CCBE1: variants seen among roughly 807,000 people sequenced by gnomAD.
CCBE1 encodes the protein collagen and calcium binding EGF domains 1, also known as collagen and calcium-binding EGF domain-containing protein 1.
CCBE1 carries 37 observed loss-of-function variants against 50.0 expected under a neutral mutation model. The observed-to-expected ratio is 0.74, with a 90% CI of 0.57 to 0.97. The LOEUF (loss-of-function observed/expected upper bound fraction) is 0.97, where lower values mean the gene tolerates loss of function less well. Ranked by LOEUF, CCBE1 falls within the 50% of genes least tolerant of loss-of-function variation. The pLI, the probability that CCBE1 is intolerant of heterozygous loss-of-function variation, is 0.00. For synonymous variants in CCBE1, 234 were observed against 203.7 expected, an observed-to-expected ratio of 1.15 and a Z score of -1.27; for missense variants, 538 against 523.8, an observed-to-expected ratio of 1.03 and a Z score of -0.26.
chr18:59,691,357 A>T (rs1054859423), intron 2 of CCBE1, among the ~76,000 whole-genome samples: 2 of 152,130 alleles, frequency 1.3e-5, no homozygotes, highest in Admixed American at 6.5e-5. Context: ...CATTCTGCAC[A>T]AAACCACCTC....
intron 2 of CCBE1, among the ~76,000 whole-genome samples, chr18:59,579,907 G>A (rs1195432310): frequency 6.6e-6 from 1 of 151,872 alleles, no homozygotes; most frequent in Non-Finnish European, 1.5e-5. Flanking sequence ...CTGAGCACAT[G>A]AAAAAAAAGA....
intron 7 of CCBE1, among the ~76,000 whole-genome samples, chr18:59,441,090 A>G (rs2143624266): frequency 6.6e-6 from 1 of 152,372 alleles, no homozygotes; most frequent in South Asian, 2.1e-4. Context: ...AGGTTGACTT[A>G]GCTTCCCATG....
chr18:59,454,694 G>A (rs574876698), intron 6 of CCBE1, among the ~76,000 whole-genome samples, 157 bp downstream of exon 6: 1 of 152,292 alleles, frequency 6.6e-6, no homozygotes, highest in African/African-American at 2.4e-5. Context: ...TGGCTCTGAG[G>A]GTGGGCAAAA....
intron 2 of CCBE1, among the ~76,000 whole-genome samples, chr18:59,481,535 C>T (rs190824749): frequency 5.3e-5 from 8 of 152,284 alleles, no homozygotes; most frequent in African/African-American, 1.9e-4. Flanking sequence ...GTCATGGTCA[C>T]GCTGCTGAAA....
Position 59,607,729 on chromosome 18 carries a change from T to A in CCBE1, c.212+88900A>T, listed in dbSNP as rs141752207. Among the ~76,000 whole-genome samples, 725 of 152,292 alleles carry A rather than the reference T, an allele frequency of 4.8e-3. 8 individuals carry two copies. Among genetic ancestry groups the A allele is most frequent in the African/African-American group, 0.016 (682 of 41,562 alleles). On this transcript the variant is annotated intron_variant, in intron 2 of 10. Coordinates refer to ENST00000439986, the MANE Select transcript of CCBE1 (RefSeq NM_133459.4). ...GTTCAAATCGGAACCACTTCCTGTG[T>A]GACACTGATTATTTCTTCAAACCCC...
chr18:59,521,422 G>GT (rs1276931501), intron 2 of CCBE1, among the ~76,000 whole-genome samples: 7 of 152,054 alleles, frequency 4.6e-5, no homozygotes, highest in Non-Finnish European at 8.8e-5. Flanking sequence ...TTCTTTGTTT[G>GT]TTTTTTGTTT....
intron 7 of CCBE1, among the ~76,000 whole-genome samples, chr18:59,442,109 C>T (rs1386504634): frequency 1.3e-5 from 2 of 152,204 alleles, no homozygotes; most frequent in African/African-American, 4.8e-5. Flanking sequence ...TTGTCTCCAT[C>T]ACCACAGATC....
intron 2 of CCBE1, among the ~76,000 whole-genome samples, chr18:59,589,816 GAA>G (rs10715103): frequency 7.5e-6 from 1 of 133,106 alleles, no homozygotes; most frequent in East Asian, 2.2e-4. Flanking sequence ...AAAAAAGAAA[GAA>G]AAAAAAAATG....
chr18:59,542,352 G>C (rs1356189317), intron 2 of CCBE1, among the ~76,000 whole-genome samples: 2 of 151,896 alleles, frequency 1.3e-5, no homozygotes, highest in Admixed American at 6.6e-5. Flanking sequence ...CGAGATTCTA[G>C]AATTTTTATG....
chr18:59,565,435 G>A (rs2052808538), intron 2 of CCBE1, among the ~76,000 whole-genome samples: 1 of 129,644 alleles, frequency 7.7e-6, no homozygotes, highest in Non-Finnish European at 1.6e-5. Context: ...ACAAAGGGCT[G>A]TCACTCAGGC....
At chr18:59,501,943 C>T (rs1263828048) in intron 2 of CCBE1, among the ~76,000 whole-genome samples, 7 of 152,128 alleles carry the variant, frequency 4.6e-5, no homozygotes, top group East Asian at 1.9e-4. Context: ...CAACTACAGG[C>T]GTGCACCATC....
At chr18:59,625,436 A>AAAAAAAAAG (rs2053770433) in intron 2 of CCBE1, among the ~76,000 whole-genome samples, 1 of 135,670 alleles carries the variant, frequency 7.4e-6, no homozygotes, top group Non-Finnish European at 1.6e-5. Flanking sequence ...GTCTCAAAAA[A>AAAAAAAAAG]AAAAAAAAAA....
intron 2 of CCBE1, among the ~76,000 whole-genome samples, chr18:59,642,129 T>C (rs899023694): frequency 6.6e-6 from 1 of 152,172 alleles, no homozygotes; most frequent in African/African-American, 2.4e-5. Context: ...AAAGTATTAG[T>C]ATTAAAATCT....
At chr18:59,564,475 G>T (rs1157672077) in intron 2 of CCBE1, among the ~76,000 whole-genome samples, 2 of 152,248 alleles carry the variant, frequency 1.3e-5, no homozygotes, top group East Asian at 1.9e-4. Flanking sequence ...CTAGATCATG[G>T]TCATTAAACC....
intron 2 of CCBE1, among the ~76,000 whole-genome samples, chr18:59,487,624 C>CCCA (rs1380724928): frequency 2.0e-5 from 3 of 152,158 alleles, no homozygotes; most frequent in Non-Finnish European, 4.4e-5. Context: ...ATCCCCTCCA[C>CCCA]CCACCACCAC....
At chr18:59,658,287 G>A (rs541718389) in intron 2 of CCBE1, among the ~76,000 whole-genome samples, 60 of 102,672 alleles carry the variant, frequency 5.8e-4, no homozygotes, top group Admixed American at 1.9e-3. Flanking sequence ...AGGAGTTTGA[G>A]ACCAGCCTGA....
At chr18:59,611,025 T>TG (rs1452832085) in intron 2 of CCBE1, among the ~76,000 whole-genome samples, 1 of 152,252 alleles carries the variant, frequency 6.6e-6, no homozygotes, top group Non-Finnish European at 1.5e-5. Flanking sequence ...TGGGACCTCA[T>TG]GCTTCAGCAC....
intron 2 of CCBE1, among the ~76,000 whole-genome samples, chr18:59,520,118 C>G (rs1375720722): frequency 6.6e-6 from 1 of 152,162 alleles, no homozygotes; most frequent in East Asian, 1.9e-4. Flanking sequence ...ATGCCTCCAG[C>G]TTTGTTCTTT....
chr18:59,689,389 T>C (rs1310052134), intron 2 of CCBE1, among the ~76,000 whole-genome samples: 2 of 152,228 alleles, frequency 1.3e-5, no homozygotes, highest in Non-Finnish European at 2.9e-5. Flanking sequence ...TAAGATGAAC[T>C]AGTTCTACCA....
Sources: gnomAD v4.1 joint callset for allele counts (sites outside exome capture counted in the v4.1 genomes callset) on GRCh38, gnomAD v4.1.1 for gene constraint, MANE v1.5 for transcripts, NCBI Gene and HGNC (gene_info 2026-07-23, HGNC 2026-07-21) for gene names.